Variants in GEMIN5 observed in about 807,000 individuals in gnomAD.
The protein encoded by GEMIN5 is gem-associated protein 5.
A neutral mutation model predicts 176.9 loss-of-function variants in GEMIN5; 124 were observed. The observed-to-expected ratio is 0.70, with a 90% CI of 0.61 to 0.81. The LOEUF is 0.81. Ranked by LOEUF, GEMIN5 falls within the 40% of genes least tolerant of loss-of-function variation. The pLI is 0.00. For missense variants in GEMIN5, 1,843 were observed against 1,814.6 expected (o/e 1.02, Z -0.28); for synonymous variants, 673 against 665.2 (o/e 1.01, Z -0.18).
At position 154,887,919 on chromosome 5, in the gene GEMIN5, C is replaced by A. The variant is rs1053167799; in HGVS notation, c.*291G>T. ...AGAAGTTTCTCCTCTTTGGGTGAAA[C>A]CTGCCTAAGGCTGTAGAGATGACCA... On this transcript the variant is annotated 3_prime_UTR_variant, in exon 28 of 28. Coordinates refer to ENST00000285873, the MANE Select transcript of GEMIN5 (RefSeq NM_015465.5). 3.0e-6 allele frequency: 1 copy of A among 331,820 alleles called. No homozygotes were observed. The highest frequency in any genetic ancestry group is 5.5e-6 in the Non-Finnish European group (1 of 180,242). 20.6% of individuals were successfully genotyped at this position (331,820 alleles called of 1,614,324 possible).
intron 2 of GEMIN5, among the ~76,000 whole-genome samples, chr5:154,936,310 G>C (rs192385576): frequency 1.3e-5 from 2 of 152,010 alleles, no homozygotes; most frequent in East Asian, 1.9e-4. Context: ...CCAGCTACTC[G>C]AGAGGCTGAG....
chr5:154,928,106 C>CT (rs1764084061), intron 6 of GEMIN5, among the ~76,000 whole-genome samples: 1 of 152,170 alleles, frequency 6.6e-6, no homozygotes, highest in Non-Finnish European at 1.5e-5. Context: ...TTGGACTACC[C>CT]TTTAAACAGA....
chr5:154,916,870 A>T, intron 13 of GEMIN5, 128 bp downstream of exon 13: 1 of 480,876 alleles, frequency 2.1e-6, no homozygotes, highest in Non-Finnish European at 3.6e-6. Flanking sequence ...CTTTTGAAAC[A>T]GAAAAAGTAG....
At position 154,907,573 on chromosome 5, in the gene GEMIN5, C is replaced by T; in HGVS notation, c.2395+18G>A. On this transcript the variant is annotated intron_variant, in intron 16 of 27. Coordinates refer to ENST00000285873, the MANE Select transcript of GEMIN5 (RefSeq NM_015465.5). ...ACGACCATGAAATCCTAGTGATACA[C>T]AGGATTCTGCCACATACCCGCTGGA... is the stretch of plus-strand genomic sequence containing the variant. 2 of 1,577,642 alleles carry T rather than the reference C, an allele frequency of 1.3e-6. No individual in the cohort carries two copies. The highest frequency in any genetic ancestry group is 1.7e-5 in the Admixed American group (1 of 59,944).
intron 23 of GEMIN5, among the ~76,000 whole-genome samples, chr5:154,896,767 T>C (rs1213175075): frequency 6.6e-6 from 1 of 152,170 alleles, no homozygotes; most frequent in East Asian, 1.9e-4. Flanking sequence ...ATAGACAAGC[T>C]TTGCAGATCC....
rs918538949 is a variant in GEMIN5 at position 154,917,879 on chromosome 5, T to C, written c.1673+52A>G. Reference sequence around the variant, plus strand: ...ACAGATGGCATTAGTCAGCTTGTGATCAAATATATGTGCGATTGCAAATTT... The same window carrying C: ...ACAGATGGCATTAGTCAGCTTGTGACCAAATATATGTGCGATTGCAAATTT... On this transcript the variant is annotated intron_variant, in intron 12 of 27. Transcript: ENST00000285873. 4 of 1,146,934 alleles carry C rather than the reference T, an allele frequency of 3.5e-6. No homozygotes were observed. The African/African-American group carries it at 6.0e-5, about 17-fold the overall frequency. The allele number at this position is 1,146,934 out of a possible 1,614,324, so 71.0% of individuals were successfully genotyped here.
Position 154,907,590 on chromosome 5 carries a change from C to G in GEMIN5, c.2395+1G>C, listed in dbSNP as rs1469183050. 10 of 1,611,044 alleles carry G rather than the reference C, an allele frequency of 6.2e-6. No individual in the cohort carries two copies. Among genetic ancestry groups the G allele is most frequent in the Non-Finnish European group, 7.6e-6 (9 of 1,177,298 alleles). The stretch of plus-strand genomic sequence containing the variant: ...GTGATACACAGGATTCTGCCACATA[C>G]CCGCTGGAGCAAGGCCACAGGGTAA... On this transcript the variant is annotated splice_donor_variant, in intron 16 of 27. Transcript: ENST00000285873. LOFTEE classifies it high-confidence loss of function.
Position 154,896,172 on chromosome 5 carries a change from G to A in GEMIN5, c.3517C>T (p.Pro1173Ser), listed in dbSNP as rs1763347463. Residue 1173 changes from proline to serine, a missense_variant, in exon 24 of 28, where the codon CCT becomes TCT. By Grantham distance (74) the Pro-to-Ser change is moderately conservative (BLOSUM62 -1). Coordinates refer to ENST00000285873, the MANE Select transcript of GEMIN5 (RefSeq NM_015465.5). ...VWKSIFSLDT[P>S]EQYQEAFQKL... is the part of the protein sequence containing the mutation. ...TGAAAGGCTTCCTGATACTGCTCAG[G>A]GGTGTCAAGGCTGAAGATGCTCTTC... is the stretch of plus-strand genomic sequence containing the variant. 6.2e-7 allele frequency: 1 copy of A among 1,613,972 alleles called. No individual in the cohort carries two copies. Among genetic ancestry groups the A allele is most frequent in the East Asian group, 2.2e-5 (1 of 44,862 alleles).
At chr5:154,937,238 G>A (rs1582681755) in intron 1 of GEMIN5, 53 bp from the exon 2 acceptor site, 1 of 1,451,868 alleles carries the variant, frequency 6.9e-7, no homozygotes, top group East Asian at 2.3e-5. Flanking sequence ...AAGGTTCCTG[G>A]CAGAATCATA....
chr5:154,907,609 A>C lies in GEMIN5; in HGVS notation c.2377T>G (p.Cys793Gly). 1 of 1,613,510 alleles carries C rather than the reference A, an allele frequency of 6.2e-7. No individual in the cohort carries two copies. Among genetic ancestry groups the C allele is most frequent in the South Asian group, 1.1e-5 (1 of 91,064 alleles). ...CACATACCCGCTGGAGCAAGGCCAC[A>C]GGGTAATTCCGGCTCCCGTGCTTGC... Reference protein sequence around the residue: ...EEQAREPELPCGLAPAVSREP... With the variant: ...EEQAREPELPGGLAPAVSREP... Residue 793 changes from cysteine (C) to glycine (G), a missense_variant, in exon 16 of 28, where the codon TGT becomes GGT. By Grantham distance (159) the Cys-to-Gly change is radical. Coordinates refer to ENST00000285873, the MANE Select transcript of GEMIN5 (RefSeq NM_015465.5).
At chr5:154,906,865 G>C (rs913090716) in intron 16 of GEMIN5, among the ~76,000 whole-genome samples, 1 of 152,198 alleles carries the variant, frequency 6.6e-6, no homozygotes, top group African/African-American at 2.4e-5. Flanking sequence ...TTCTGTTTTA[G>C]AATTAAGTAT....
intron 11 of GEMIN5, 106 bp downstream of exon 11, chr5:154,919,861 A>G: frequency 1.1e-6 from 1 of 929,434 alleles, no homozygotes; most frequent in East Asian, 2.5e-5. Context: ...AATCTGACTT[A>G]GTATGATGAT....
At position 154,891,526 on chromosome 5, in the gene GEMIN5, G is replaced by A. The variant is rs368187222; in HGVS notation, c.3977C>T (p.Thr1326Met). Residue 1326 changes from threonine (T) to methionine (M), a missense_variant, in exon 26 of 28, where the codon ACG (threonine) becomes ATG (methionine). Transcript: ENST00000285873. ...QQLDTASTEETDPETSQPEPN... is the reference protein window; with the variant it reads ...QQLDTASTEEMDPETSQPEPN... The stretch of plus-strand genomic sequence containing the variant: ...CTCTGGCTGAGAAGTTTCAGGGTCC[G>A]TTTCTTCAGTGCTGGCAGTGTCTAA... 75 of 1,614,168 alleles carry A rather than the reference G, an allele frequency of 4.6e-5. No homozygotes were observed. The highest frequency in any genetic ancestry group is 1.3e-4 in the Admixed American group (8 of 60,020).
In GEMIN5 at chr5:154,933,450, AT is replaced by A. The variant is rs373266734; in HGVS notation, c.510-1201del. On this transcript the variant is annotated intron_variant, in intron 3 of 27. Coordinates refer to ENST00000285873, the MANE Select transcript of GEMIN5 (RefSeq NM_015465.5). ...TGTGTGAATATTTCAAAGTTTATTC[AT>A]TTTCCTTTTGAAGGGCTTCCACTTT... Among the ~76,000 whole-genome samples, 524 of 152,152 alleles carry A rather than the reference AT, an allele frequency of 3.4e-3. 3 individuals carry two copies. Among genetic ancestry groups the A allele is most frequent in the African/African-American group, 0.012 (508 of 41,498 alleles).
At chr5:154,898,127 C>G (rs113005028) in intron 23 of GEMIN5, among the ~76,000 whole-genome samples, 2 of 152,144 alleles carry the variant, frequency 1.3e-5, no homozygotes, top group Admixed American at 6.5e-5. Context: ...TCTCAAACTC[C>G]TGACCTCAAG....
At chr5:154,901,588 T>A in intron 20 of GEMIN5, 102 bp from the exon 21 acceptor site, 1 of 946,030 alleles carries the variant, frequency 1.1e-6, no homozygotes, top group Non-Finnish European at 1.6e-6. Context: ...GTCAATGCAT[T>A]CAGCAGAACA....
intron 7 of GEMIN5, among the ~76,000 whole-genome samples, chr5:154,926,369 T>C (rs1473018525): frequency 2.6e-5 from 4 of 152,242 alleles, no homozygotes; most frequent in South Asian, 2.1e-4. Flanking sequence ...TGTCCTATTA[T>C]AGCACTGGTA....
intron 24 of GEMIN5, among the ~76,000 whole-genome samples, chr5:154,895,432 TACAA>T (rs1403683781): frequency 6.6e-6 from 1 of 151,968 alleles, no homozygotes; most frequent in East Asian, 1.9e-4. Flanking sequence ...GGATAGATTT[TACAA>T]ACAATGGCCT....
At chr5:154,899,060 A>G (rs572166894) in intron 22 of GEMIN5, 131 bp downstream of exon 22, 327 of 839,384 alleles carry the variant, frequency 3.9e-4, no homozygotes, top group Non-Finnish European at 5.7e-4. Flanking sequence ...ACTAAGTTGA[A>G]TATACATATC....
Sources: gnomAD v4.1 joint callset for allele counts (sites outside exome capture counted in the v4.1 genomes callset) on GRCh38, gnomAD v4.1.1 for gene constraint, MANE v1.5 for transcripts, NCBI Gene and HGNC (gene_info 2026-07-23, HGNC 2026-07-21) for gene names.